The following GMEB1 variants were observed in gnomAD, a reference collection of about 807,000 sequenced individuals.
GMEB1 encodes the protein glucocorticoid modulatory element-binding protein 1.
A neutral mutation model predicts 52.4 loss-of-function variants in GMEB1; 6 were observed. The ratio of observed to expected loss-of-function variants is 0.11; its 90% CI spans 0.06 to 0.23. The LOEUF (loss-of-function observed/expected upper bound fraction) is 0.23. Among genes scored for constraint, GMEB1 ranks in the 10% least tolerant of loss-of-function variants. The pLI is 1.00. For missense variants in GMEB1, 486 were observed against 685.6 expected, an observed-to-expected ratio of 0.71 and a Z score of 3.25; for synonymous variants, 255 against 244.9, an observed-to-expected ratio of 1.04 and a Z score of -0.38.
chr1:28,693,104 A>G, intron 5 of GMEB1, 59 bp downstream of exon 5: 4 of 762,362 alleles, frequency 5.2e-6, no homozygotes, highest in Non-Finnish European at 8.4e-6. Flanking sequence ...TAATCATGCT[A>G]GAATCTGGGC....
intron 9 of GMEB1, among the ~76,000 whole-genome samples, chr1:28,713,521 ATTTG>A (rs1350440072): frequency 6.6e-5 from 10 of 152,182 alleles, no homozygotes; most frequent in Admixed American, 3.9e-4. Flanking sequence ...GTCAAAATGA[ATTTG>A]TTTGAGCTCT....
At chr1:28,699,019 T>C (rs1407031928) in intron 6 of GMEB1, among the ~76,000 whole-genome samples, 1 of 152,104 alleles carries the variant, frequency 6.6e-6, no homozygotes, top group African/African-American at 2.4e-5. Flanking sequence ...GCTTTACTAG[T>C]GGTCAACACA....
intron 3 of GMEB1, among the ~76,000 whole-genome samples, chr1:28,691,269 G>T (rs1669949836): frequency 6.6e-6 from 1 of 152,098 alleles, no homozygotes; most frequent in Non-Finnish European, 1.5e-5. Context: ...CTGCACTCCA[G>T]CCTGGGTGAC....
At chr1:28,682,472 T>C (rs560375439) in intron 1 of GMEB1, among the ~76,000 whole-genome samples, 10 of 151,842 alleles carry the variant, frequency 6.6e-5, no homozygotes, top group Admixed American at 3.9e-4. Flanking sequence ...ATCCAAAAAT[T>C]AGCTGAGTGG....
intron 1 of GMEB1, among the ~76,000 whole-genome samples, chr1:28,678,722 G>C (rs1173268972): frequency 1.3e-5 from 2 of 151,506 alleles, no homozygotes; most frequent in Non-Finnish European, 2.9e-5. Flanking sequence ...GAGTGGCTGG[G>C]ACTACAGGTT....
rs878890649 is a variant in GMEB1, at chr1:28,690,203, G to GTT, written c.211+37_211+38dup. On this transcript the variant is annotated intron_variant, in intron 3 of 9. Coordinates refer to ENST00000373816, the MANE Select transcript of GMEB1 (RefSeq NM_001319674.2). Reference sequence around the variant, plus strand: ...AAGGGATTGGTAAGGGTTTTTTTGTGTTTTTTTTTTTTTTTTTTTTTGTCA... The same window carrying GTT: ...AAGGGATTGGTAAGGGTTTTTTTGTGTTTTTTTTTTTTTTTTTTTTTTTGTCA... 29,358 of 497,668 alleles carry GTT rather than the reference G, an allele frequency of 0.059. 135 individuals carry two copies. Among genetic ancestry groups the GTT allele is most frequent in the Non-Finnish European group, 0.066 (20,246 of 307,952 alleles). 30.8% of individuals were successfully genotyped at this position (497,668 alleles called of 1,614,324 possible).
intron 1 of GMEB1, among the ~76,000 whole-genome samples, chr1:28,672,566 T>G (rs1286671220): frequency 2.0e-5 from 3 of 151,752 alleles, no homozygotes; most frequent in Non-Finnish European, 4.4e-5. Context: ...ATTATTATTA[T>G]TTTTTGTTAT....
rs369966949 is a variant in GMEB1 at position 28,710,512 on chromosome 1, T to G, written c.869-8T>G. 1 of 1,595,186 alleles carries G rather than the reference T, an allele frequency of 6.3e-7. No individual in the cohort carries two copies. Among genetic ancestry groups the G allele is most frequent in the East Asian group, 2.3e-5 (1 of 44,246 alleles). ...TAACTGGACAGGCATGTCTTTTGTTTTAAATAGATGCTGCTGTTCTCAACA... is the reference window on the plus strand; with the variant it reads ...TAACTGGACAGGCATGTCTTTTGTTGTAAATAGATGCTGCTGTTCTCAACA... On this transcript the variant is annotated splice_region_variant and splice_polypyrimidine_tract_variant and intron_variant, in intron 8 of 9. Transcript: ENST00000373816.
At chr1:28,671,727 G>C (rs1044545995) in intron 1 of GMEB1, among the ~76,000 whole-genome samples, 31 of 151,552 alleles carry the variant, frequency 2.0e-4, no homozygotes, top group African/African-American at 7.5e-4. Context: ...CTGGGTGACA[G>C]AGTGAGACTA....
At chr1:28,685,049 C>T (rs1428836437) in intron 2 of GMEB1, among the ~76,000 whole-genome samples, 1 of 151,936 alleles carries the variant, frequency 6.6e-6, no homozygotes, top group Middle Eastern at 3.2e-3. Flanking sequence ...TATGTGTTTA[C>T]CAAAAGACTG....
In GMEB1 at chr1:28,680,143, G is replaced by T. The variant is rs1669331190; in HGVS notation, c.-30-3440G>T. ...CACTTGTAATCACAACACTTTGGGA[G>T]GCCAAGGCCGGATGATCACTTGAAG... On this transcript the variant is annotated intron_variant, in intron 1 of 9. Coordinates refer to ENST00000373816, the MANE Select transcript of GMEB1 (RefSeq NM_001319674.2). 2.0e-5 allele frequency among the ~76,000 whole-genome samples: 3 copies of T among 152,034 alleles called. No individual in the cohort carries two copies. The South Asian group carries it at 6.2e-4, about 32-fold the overall frequency.
intron 1 of GMEB1, 98 bp downstream of exon 1, chr1:28,668,937 G>GCGCAGGGGGCGGGGGGCTGCTGC (rs1668738522): frequency 1.4e-5 from 2 of 144,978 alleles, no homozygotes; most frequent in Non-Finnish European, 3.1e-5. Flanking sequence ...GCGGGCGGGC[G>GCGCAGGGGGCGGGGGGCTGCTGC]CGCAGGGGGC....
At chr1:28,673,311 C>CTG (rs1459049589) in intron 1 of GMEB1, among the ~76,000 whole-genome samples, 2 of 152,034 alleles carry the variant, frequency 1.3e-5, no homozygotes, top group Non-Finnish European at 2.9e-5. Context: ...AGTGCAGTGG[C>CTG]TGTGGCGCGT....
Position 28,683,858 on chromosome 1 carries a change from C to T in GMEB1, c.128+118C>T, listed in dbSNP as rs143307736. On this transcript the variant is annotated intron_variant, in intron 2 of 9. Transcript: ENST00000373816. ...CATTTAACATCAATCAGAGCTGGCTCAGTTTTCATCTGTATAATATACTGT... is the reference window on the plus strand; with the variant it reads ...CATTTAACATCAATCAGAGCTGGCTTAGTTTTCATCTGTATAATATACTGT... The T allele has an allele frequency of 3.3e-5, 30 of 911,836 alleles. No homozygotes were observed. In the East Asian group the frequency reaches 7.7e-4, roughly 23 times the overall value. The allele number at this position is 911,836 out of a possible 1,614,324, so 56.5% of individuals were successfully genotyped here. A position where few individuals can be genotyped will look rare whatever the true frequency, so the allele number is the denominator to read the frequency against.
rs559251039 is a variant in GMEB1 at position 28,700,614 on chromosome 1, C to T, written c.599-1824C>T. Among the ~76,000 whole-genome samples, 10 of 148,848 alleles carry T rather than the reference C, an allele frequency of 6.7e-5. No homozygotes were observed. The East Asian group carries it at 9.8e-4, about 15-fold the overall frequency. On this transcript the variant is annotated intron_variant, in intron 6 of 9. Transcript: ENST00000373816. The stretch of plus-strand genomic sequence containing the variant: ...GCAGGAGAATTGCTTGAACCTGGGA[C>T]GCGGAGACTGCCGTGAGCCGAGATC...
At chr1:28,713,855 C>T (rs905531778) in intron 9 of GMEB1, among the ~76,000 whole-genome samples, 5 of 151,958 alleles carry the variant, frequency 3.3e-5, no homozygotes, top group South Asian at 2.1e-4. Context: ...GGCTATAGTG[C>T]GCAATGATAG....
At chr1:28,698,442 A>G (rs10915187) in intron 6 of GMEB1, among the ~76,000 whole-genome samples, 58,404 of 150,568 alleles carry the variant, frequency 0.39, 12,563 homozygotes, top group East Asian at 0.76. Flanking sequence ...TTGGGAGGCC[A>G]AAGCGGGCAG....
chr1:28,693,080 A>G (rs1670037523), intron 5 of GMEB1, 35 bp downstream of exon 5: 1 of 1,053,378 alleles, frequency 9.5e-7, no homozygotes, highest in Admixed American at 2.3e-5. Context: ...CCTTTCAACA[A>G]ACTTTGGGGC....
At chr1:28,697,982 ACAAAAAAATTAGC>A (rs1364114370) in intron 6 of GMEB1, among the ~76,000 whole-genome samples, 2 of 152,096 alleles carry the variant, frequency 1.3e-5, no homozygotes, top group African/African-American at 2.4e-5. Context: ...TACTAAAAAT[ACAAAAAAATTAGC>A]CAGGTGTGGT....
Sources: allele counts gnomAD v4.1 joint callset (sites outside exome capture counted in the v4.1 genomes callset), GRCh38; gene constraint gnomAD v4.1.1; transcripts MANE v1.5; gene names NCBI Gene and HGNC (gene_info 2026-07-23, HGNC 2026-07-21).